MAP2: variants seen among roughly 807,000 people sequenced by gnomAD.
MAP2 encodes microtubule-associated protein 2.
In MAP2, 14 loss-of-function variants were observed where a neutral mutation model predicts 137.6. The observed-to-expected ratio is 0.10, with a 90% CI of 0.07 to 0.16. The LOEUF (loss-of-function observed/expected upper bound fraction) is 0.16, where lower values mean the gene tolerates loss of function less well. Ranked by LOEUF, MAP2 falls within the 10% of genes least tolerant of loss-of-function variation. MAP2 has a pLI of 1.00. For synonymous variants in MAP2, 786 were observed against 782.3 expected (o/e 1.00, Z -0.08); for missense variants, 2,088 against 2,191.5 (o/e 0.95, Z 0.94).
chr2:209,670,679 AAG>A (rs1372889057), intron 5 of MAP2, among the ~76,000 whole-genome samples: 1 of 151,908 alleles, frequency 6.6e-6, no homozygotes, highest in East Asian at 1.9e-4. Context: ...GAGGAAAAAA[AAG>A]AGCAAGAGAG....
chr2:209,457,209 T>G (rs1018543202), intron 1 of MAP2, among the ~76,000 whole-genome samples: 1 of 152,156 alleles, frequency 6.6e-6, no homozygotes, highest in Non-Finnish European at 1.5e-5. Flanking sequence ...GTGAAGGGCG[T>G]GAATGGCTTG....
At chr2:209,697,357 G>A (rs1482275631) in intron 10 of MAP2, among the ~76,000 whole-genome samples, 2 of 152,014 alleles carry the variant, frequency 1.3e-5, no homozygotes, top group African/African-American at 2.4e-5. Context: ...AGACGATGGC[G>A]ATGAATTTAA....
intron 7 of MAP2, among the ~76,000 whole-genome samples, chr2:209,682,644 G>A (rs1249568403): frequency 6.6e-6 from 1 of 152,038 alleles, no homozygotes; most frequent in East Asian, 1.9e-4. Context: ...GGTGGTGAGG[G>A]GATGGCTAAG....
chr2:209,435,410 G>A (rs902743054), intron 1 of MAP2, among the ~76,000 whole-genome samples: 2 of 151,700 alleles, frequency 1.3e-5, no homozygotes, highest in African/African-American at 4.8e-5. Context: ...TAGGACAATA[G>A]CAATATCAAA....
In MAP2 at chr2:209,484,965, C is replaced by T. The variant is rs150936544; in HGVS notation, c.-221-22627C>T. Among the ~76,000 whole-genome samples, 15 of 152,280 alleles carry T rather than the reference C, an allele frequency of 9.9e-5. No individual in the cohort carries two copies. In the East Asian group the frequency reaches 2.5e-3, roughly 25 times the overall value. Reference sequence around the variant, plus strand: ...CACATTGAAATCGGGCCGATAGAAACGCGATAGCAGTTGTGCACCATGTCT... The same window carrying T: ...CACATTGAAATCGGGCCGATAGAAATGCGATAGCAGTTGTGCACCATGTCT... On this transcript the variant is annotated intron_variant, in intron 1 of 15. Transcript: ENST00000682079.
intron 2 of MAP2, among the ~76,000 whole-genome samples, chr2:209,539,325 G>A (rs549034608): frequency 6.6e-6 from 1 of 152,164 alleles, no homozygotes; most frequent in Admixed American, 6.5e-5. Flanking sequence ...GTAGTGAATT[G>A]TTGGGTCTAA....
chr2:209,578,380 A>G (rs1433663888), intron 2 of MAP2, among the ~76,000 whole-genome samples: 1 of 152,028 alleles, frequency 6.6e-6, no homozygotes, highest in Non-Finnish European at 1.5e-5. Flanking sequence ...TTAATTCAAA[A>G]TACAGTATAA....
intron 1 of MAP2, among the ~76,000 whole-genome samples, chr2:209,499,711 C>G (rs1159993881): frequency 6.6e-6 from 1 of 152,030 alleles, no homozygotes; most frequent in Admixed American, 6.6e-5. Flanking sequence ...TGGTGGAGAG[C>G]AACACAGGAG....
chr2:209,479,230 T>A (rs1708144634), intron 1 of MAP2, among the ~76,000 whole-genome samples: 1 of 152,078 alleles, frequency 6.6e-6, no homozygotes, highest in Admixed American at 6.6e-5. Flanking sequence ...AAAACATATA[T>A]CTCTCCTTTT....
At chr2:209,676,782 T>G (rs2051950034) in intron 5 of MAP2, among the ~76,000 whole-genome samples, 1 of 135,238 alleles carries the variant, frequency 7.4e-6, no homozygotes, top group Non-Finnish European at 1.6e-5. Flanking sequence ...TCTCCCAATT[T>G]CTGCCATGAT....
At chr2:209,571,982 A>G (rs562639116) in intron 2 of MAP2, among the ~76,000 whole-genome samples, 107 of 151,960 alleles carry the variant, frequency 7.0e-4, no homozygotes, top group Non-Finnish European at 9.0e-4. Context: ...GAATTGTGCA[A>G]AATTTGTCAG....
At chr2:209,462,593 T>C (rs1157390476) in intron 1 of MAP2, among the ~76,000 whole-genome samples, 1 of 152,160 alleles carries the variant, frequency 6.6e-6, no homozygotes, top group Non-Finnish European at 1.5e-5. Flanking sequence ...TGAAAACCAC[T>C]GACCAATTAG....
At chr2:209,457,079 T>G (rs950228259) in intron 1 of MAP2, among the ~76,000 whole-genome samples, 22 of 151,298 alleles carry the variant, frequency 1.5e-4, no homozygotes, top group African/African-American at 5.3e-4. Context: ...CAGTTAATAT[T>G]TAGTTAGTGT....
At position 209,618,208 on chromosome 2, in the gene MAP2, C is replaced by G. The variant is rs905791386; in HGVS notation, c.-106-6845C>G. 2.6e-5 allele frequency among the ~76,000 whole-genome samples: 4 copies of G among 151,790 alleles called. No individual in the cohort carries two copies. In the East Asian group the frequency reaches 7.7e-4, roughly 29 times the overall value. On this transcript the variant is annotated intron_variant, in intron 3 of 15. Transcript: ENST00000682079. ...AAGAGGAAGGAAGAGACAAAAGGAG[C>G]AGAGGAGACAGGCAGAAAGAAAGAG... is the stretch of plus-strand genomic sequence containing the variant.
Position 209,702,293 on chromosome 2 carries a change from T to C in MAP2, c.4584+1955T>C, listed in dbSNP as rs115895895. On this transcript the variant is annotated intron_variant, in intron 11 of 15. Coordinates refer to ENST00000682079, the MANE Select transcript of MAP2 (RefSeq NM_001375505.1). ...TCCTTGTAAATGCCCGTCTTGTCTT[T>C]CTGAAGCAAAATTAGCCCTTCATTC... Among the ~76,000 whole-genome samples, 802 of 152,184 alleles carry C rather than the reference T, an allele frequency of 5.3e-3. 14 individuals carry two copies. Among genetic ancestry groups the C allele is most frequent in the African/African-American group, 0.018 (750 of 41,552 alleles).
chr2:209,716,888 T>C (rs2153790327), intron 13 of MAP2, among the ~76,000 whole-genome samples: 1 of 152,252 alleles, frequency 6.6e-6, no homozygotes. Flanking sequence ...TTACAGTTCA[T>C]CAAAAAACAT....
intron 1 of MAP2, among the ~76,000 whole-genome samples, chr2:209,439,786 A>G (rs1697300891): frequency 1.3e-5 from 2 of 151,508 alleles, no homozygotes; most frequent in African/African-American, 4.8e-5. Context: ...AGTTTATACA[A>G]TTTTAAGTCG....
intron 2 of MAP2, among the ~76,000 whole-genome samples, chr2:209,576,720 A>G (rs974101734): frequency 2.0e-5 from 3 of 152,216 alleles, no homozygotes; most frequent in Admixed American, 1.3e-4. Context: ...AGACAGAAGA[A>G]GGGTAAGGCA....
chr2:209,441,199 C>T (rs976431531), intron 1 of MAP2, among the ~76,000 whole-genome samples: 1 of 151,414 alleles, frequency 6.6e-6, no homozygotes, highest in Non-Finnish European at 1.5e-5. Flanking sequence ...ATTCACCCTT[C>T]CTGTATCTGG....
Sources: allele counts gnomAD v4.1 joint callset (sites outside exome capture counted in the v4.1 genomes callset), GRCh38; gene constraint gnomAD v4.1.1; transcripts MANE v1.5; gene names NCBI Gene and HGNC (gene_info 2026-07-23, HGNC 2026-07-21).